Variants in MAGI1 observed in about 807,000 individuals in gnomAD.
The protein encoded by MAGI1 is membrane associated guanylate kinase, WW and PDZ domain containing 1.
Under a neutral mutation model 139.9 loss-of-function variants are expected in MAGI1, and 58 were observed. The observed-to-expected ratio is 0.41, with a 90% confidence interval of 0.34 to 0.52. The LOEUF (loss-of-function observed/expected upper bound fraction) is 0.52. MAGI1 is among the 20% of genes least tolerant of loss of function. The pLI is 0.12. For synonymous variants in MAGI1, 812 were observed against 737.9 expected, an observed-to-expected ratio of 1.10 and a Z score of -1.63; for missense variants, 1,874 against 1,901.6, an observed-to-expected ratio of 0.99 and a Z score of 0.27.
At chr3:65,804,949 A>C (rs150688970) in intron 1 of MAGI1, among the ~76,000 whole-genome samples, 284 of 152,346 alleles carry the variant, frequency 1.9e-3, no homozygotes, top group African/African-American at 6.0e-3. Context: ...AGATGGATTC[A>C]AGACTTAAAT....
chr3:65,464,602 T>C (rs762542379), intron 5 of MAGI1, among the ~76,000 whole-genome samples: 3 of 152,182 alleles, frequency 2.0e-5, no homozygotes, highest in Non-Finnish European at 2.9e-5. Flanking sequence ...TTCTTTCGAT[T>C]AACATTTACA....
At chr3:65,638,547 TCAGG>T (rs1049609513) in intron 1 of MAGI1, among the ~76,000 whole-genome samples, 1 of 140,720 alleles carries the variant, frequency 7.1e-6, no homozygotes, top group Non-Finnish European at 1.5e-5. Flanking sequence ...TCCTCCCACC[TCAGG>T]CCTCAAGTAG....
intron 1 of MAGI1, among the ~76,000 whole-genome samples, chr3:65,816,310 A>C (rs1043177250): frequency 6.6e-6 from 1 of 152,220 alleles, no homozygotes; most frequent in Non-Finnish European, 1.5e-5. Context: ...AGTGATGAAA[A>C]ATTTCCATAA....
Position 65,477,965 on chromosome 3 carries a change from A to AAT in MAGI1, c.757+625_757+626dup, listed in dbSNP as rs1368466113. Among the ~76,000 whole-genome samples the AAT allele has an allele frequency of 2.0e-5, 3 of 151,818 alleles. No homozygotes were observed. The East Asian group carries it at 5.8e-4, about 29-fold the overall frequency. ...GGTAGACAGCCCTGAATATAGATAA[A>AAT]ATATATATAATATAGTCAGTAATAC... On this transcript the variant is annotated intron_variant, in intron 4 of 22. Coordinates refer to ENST00000402939, the MANE Select transcript of MAGI1 (RefSeq NM_001033057.2).
In MAGI1 at chr3:65,364,655, T is replaced by C. The variant is rs776564913; in HGVS notation, c.3351+10A>G. 3.7e-6 allele frequency: 6 copies of C among 1,612,830 alleles called. No individual in the cohort carries two copies. The highest frequency in any genetic ancestry group is 4.2e-6 in the Non-Finnish European group (5 of 1,179,154). ...GCAAAGTATAGAGAAAAAAGAGACA[T>C]GGTGCTCACCTGTGTTGCTTGGGGT... On this transcript the variant is annotated intron_variant, in intron 20 of 22. Transcript: ENST00000402939.
intron 1 of MAGI1, among the ~76,000 whole-genome samples, chr3:65,782,528 G>A (rs552613398): frequency 7.0e-6 from 1 of 143,068 alleles, no homozygotes; most frequent in Non-Finnish European, 1.5e-5. Flanking sequence ...ACTAATACAG[G>A]AAGTAACTAC....
At chr3:65,852,723 G>A (rs541387951) in intron 1 of MAGI1, among the ~76,000 whole-genome samples, 119 of 151,822 alleles carry the variant, frequency 7.8e-4, no homozygotes, top group African/African-American at 2.8e-3. Context: ...GGCTGGTCTC[G>A]AACTCCCGAC....
chr3:66,028,399 T>C (rs1246686702), intron 1 of MAGI1, among the ~76,000 whole-genome samples: 1 of 152,122 alleles, frequency 6.6e-6, no homozygotes, highest in Non-Finnish European at 1.5e-5. Context: ...ACATTCTCAT[T>C]TTCAACTGGG....
At chr3:65,891,940 A>G (rs1264094652) in intron 1 of MAGI1, among the ~76,000 whole-genome samples, 1 of 87,620 alleles carries the variant, frequency 1.1e-5, no homozygotes, top group African/African-American at 4.3e-5. Flanking sequence ...ATATATATAT[A>G]TACCCGTGTT....
At chr3:65,639,094 T>C (rs1460435263) in intron 1 of MAGI1, among the ~76,000 whole-genome samples, 3 of 152,238 alleles carry the variant, frequency 2.0e-5, no homozygotes, top group Non-Finnish European at 4.4e-5. Flanking sequence ...ATGTTAGTCT[T>C]GTCAAGTACT....
At chr3:65,380,188 G>A (rs4688560) in intron 16 of MAGI1, among the ~76,000 whole-genome samples, 146,861 of 152,292 alleles carry the variant, frequency 0.96, 71,025 homozygotes, top group East Asian at 1. Context: ...TTTAGTCACC[G>A]TTCTAGTGTT....
intron 1 of MAGI1, among the ~76,000 whole-genome samples, chr3:65,896,861 T>C (rs538585266): frequency 6.6e-6 from 1 of 152,188 alleles, no homozygotes; most frequent in Non-Finnish European, 1.5e-5. Flanking sequence ...ACAAAATGTA[T>C]ACTGTTCAAT....
At chr3:65,410,739 T>C (rs1350267840) in intron 12 of MAGI1, among the ~76,000 whole-genome samples, 1 of 152,074 alleles carries the variant, frequency 6.6e-6, no homozygotes, top group Non-Finnish European at 1.5e-5. Flanking sequence ...GATATTTTAC[T>C]CCAAGTCTCA....
At chr3:65,793,127 G>A (rs2039899289) in intron 1 of MAGI1, among the ~76,000 whole-genome samples, 1 of 152,218 alleles carries the variant, frequency 6.6e-6, no homozygotes, top group South Asian at 2.1e-4. Flanking sequence ...AAGAAGTCAT[G>A]CTTGGGAAGA....
chr3:65,688,809 T>C (rs912449985), intron 1 of MAGI1, among the ~76,000 whole-genome samples: 1 of 152,212 alleles, frequency 6.6e-6, no homozygotes. Flanking sequence ...GCAGGATGAA[T>C]TATCTATTCA....
rs184672177 is a variant in MAGI1 at position 65,416,113 on chromosome 3, G to C, written c.2167+13407C>G. Among the ~76,000 whole-genome samples the C allele has an allele frequency of 2.7e-3, 405 of 151,636 alleles. 2 individuals carry two copies. Among genetic ancestry groups the C allele is most frequent in the Non-Finnish European group, 4.0e-3 (272 of 67,734 alleles). On this transcript the variant is annotated intron_variant, in intron 12 of 22. Coordinates refer to ENST00000402939, the MANE Select transcript of MAGI1 (RefSeq NM_001033057.2). ...GACCTAATTCCAACTATTTCCAAGC[G>C]ATTTTTGAAAACAAATTCATGTTTA...
At chr3:65,670,318 A>G (rs1343438652) in intron 1 of MAGI1, among the ~76,000 whole-genome samples, 1 of 148,840 alleles carries the variant, frequency 6.7e-6, no homozygotes, top group Non-Finnish European at 1.5e-5. Context: ...ATGTATACAT[A>G]CACACATATA....
At chr3:65,361,426 G>T in intron 21 of MAGI1, 89 bp from the exon 22 acceptor site, 1 of 1,331,264 alleles carries the variant, frequency 7.5e-7, no homozygotes, top group Admixed American at 1.9e-5. Context: ...AACATCTATT[G>T]CTTTGGAGGT....
Position 65,846,976 on chromosome 3 carries a change from C to CAAAAAAAAAAAAAAAA in MAGI1, c.313+191004_313+191019dup, listed in dbSNP as rs58391331. On this transcript the variant is annotated intron_variant, in intron 1 of 22. Coordinates refer to ENST00000402939, the MANE Select transcript of MAGI1 (RefSeq NM_001033057.2). ...GATTACAAAGAATAGCAATGTCTTACAAAAAAAAAAAAAAAAAAAACCCTA... is the reference window on the plus strand; with the variant it reads ...GATTACAAAGAATAGCAATGTCTTACAAAAAAAAAAAAAAAAAAAAAAAAAAAAAAAAAAAACCCTA... Among the ~76,000 whole-genome samples, 314 of 80,956 alleles carry CAAAAAAAAAAAAAAAA rather than the reference C, an allele frequency of 3.9e-3. 15 individuals are homozygous for CAAAAAAAAAAAAAAAA. Among genetic ancestry groups the CAAAAAAAAAAAAAAAA allele is most frequent in the African/African-American group, 7.8e-3 (157 of 20,248 alleles). The allele number at this position is 80,956 out of a possible 152,430, so 53.1% of individuals were successfully genotyped here.
Sources: gnomAD v4.1 joint callset for allele counts (sites outside exome capture counted in the v4.1 genomes callset) on GRCh38, gnomAD v4.1.1 for gene constraint, MANE v1.5 for transcripts, NCBI Gene and HGNC (gene_info 2026-07-23, HGNC 2026-07-21) for gene names.